The following RREB1 variants were observed in gnomAD, a reference collection of about 807,000 sequenced individuals.
The protein encoded by RREB1 is ras responsive element binding protein 1.
A neutral mutation model predicts 117.8 loss-of-function variants in RREB1; 27 were observed. That is an observed-to-expected ratio of 0.23 (90% confidence interval 0.17 to 0.32). RREB1 has a LOEUF of 0.32. Among genes scored for constraint, RREB1 ranks in the 10% least tolerant of loss-of-function variants. RREB1 has a pLI of 1.00. For synonymous variants in RREB1, 1,298 were observed against 1,026.7 expected (o/e 1.26, Z -5.05); for missense variants, 2,577 against 2,378.2 (o/e 1.08, Z -1.74).
intron 11 of RREB1, among the ~76,000 whole-genome samples, chr6:7,242,687 C>G (rs945885736): frequency 8.2e-6 from 1 of 121,404 alleles, no homozygotes; most frequent in African/African-American, 3.4e-5. Context: ...TGAAGGAAGA[C>G]CACTTAAAAA....
At chr6:7,202,118 A>G (rs558202487) in intron 6 of RREB1, among the ~76,000 whole-genome samples, 2 of 152,200 alleles carry the variant, frequency 1.3e-5, no homozygotes, top group Admixed American at 6.5e-5. Flanking sequence ...GCCCGTAAGT[A>G]ATATAACACA....
At chr6:7,228,435 T>G (rs779756551) in intron 9 of RREB1, among the ~76,000 whole-genome samples, 2 of 151,690 alleles carry the variant, frequency 1.3e-5, no homozygotes, top group Non-Finnish European at 2.9e-5. Context: ...ACATGATTCT[T>G]AAGATGCTTT....
intron 1 of RREB1, among the ~76,000 whole-genome samples, chr6:7,108,364 C>T (rs929827049): frequency 1.3e-4 from 20 of 151,220 alleles, no homozygotes; most frequent in Non-Finnish European, 5.9e-5. Flanking sequence ...TTTTCCCTTT[C>T]CCGAGCCGCC....
intron 1 of RREB1, among the ~76,000 whole-genome samples, chr6:7,123,032 G>A (rs1761744361): frequency 6.6e-6 from 1 of 152,298 alleles, no homozygotes; most frequent in African/African-American, 2.4e-5. Context: ...TTGCCTCACC[G>A]TGGTGTTGCC....
chr6:7,234,802 A>G (rs1581582488), intron 10 of RREB1, among the ~76,000 whole-genome samples: 1 of 152,198 alleles, frequency 6.6e-6, no homozygotes, highest in Non-Finnish European at 1.5e-5. Context: ...ACTTGCCTAC[A>G]GCCATATGGG....
intron 8 of RREB1, chr6:7,213,341 T>G (rs1561784268): frequency 1.3e-5 from 2 of 152,212 alleles, no homozygotes. Context: ...ATTTTTTGTG[T>G]TTTTGGTAGA....
chr6:7,143,177 G>A (rs1422312111), intron 1 of RREB1, among the ~76,000 whole-genome samples: 1 of 152,202 alleles, frequency 6.6e-6, no homozygotes, highest in African/African-American at 2.4e-5. Flanking sequence ...GCAAACCCGA[G>A]TGTTTTCTAT....
chr6:7,157,287 A>T (rs1270145152), intron 1 of RREB1, among the ~76,000 whole-genome samples: 3 of 152,080 alleles, frequency 2.0e-5, no homozygotes, highest in Admixed American at 2.0e-4. Flanking sequence ...ACAAAAACTT[A>T]GCCAGGTGTG....
chr6:7,108,319 C>CTCCTCCTCT (rs1760933874), intron 1 of RREB1, among the ~76,000 whole-genome samples: 1 of 150,878 alleles, frequency 6.6e-6, no homozygotes, highest in Non-Finnish European at 1.5e-5. Flanking sequence ...CGGGCCATTC[C>CTCCTCCTCT]TCCTCCTCCT....
chr6:7,217,965 G>A (rs1235304146), intron 8 of RREB1: 4 of 152,164 alleles, frequency 2.6e-5, no homozygotes. Context: ...CTTTTGTAAA[G>A]ATTGGGAAAT....
intron 1 of RREB1, among the ~76,000 whole-genome samples, chr6:7,175,619 T>C (rs1042158222): frequency 6.6e-6 from 1 of 152,244 alleles, no homozygotes; most frequent in Non-Finnish European, 1.5e-5. Flanking sequence ...CTCTTCACGT[T>C]AGCTGAGGGA....
At chr6:7,232,630 C>T (rs555757138) in intron 10 of RREB1, among the ~76,000 whole-genome samples, 8 of 152,240 alleles carry the variant, frequency 5.3e-5, no homozygotes, top group African/African-American at 1.7e-4. Flanking sequence ...CTTCCTTAGC[C>T]CCCTACGACT....
Position 7,210,983 on chromosome 6 carries a change from A to G in RREB1, c.570+35A>G, listed in dbSNP as rs754920462. Reference sequence around the variant, plus strand: ...GCTCCCAGTGCAGATTCACCTGCTCAGGGGACTTCTGTCAGAAATACCACT... The same window carrying G: ...GCTCCCAGTGCAGATTCACCTGCTCGGGGGACTTCTGTCAGAAATACCACT... On this transcript the variant is annotated intron_variant, in intron 7 of 12. Coordinates refer to ENST00000379938, the MANE Select transcript of RREB1 (RefSeq NM_001003699.4). 3.1e-6 allele frequency: 5 copies of G among 1,591,798 alleles called. No individual in the cohort carries two copies. In the African/African-American group the frequency reaches 4.1e-5, roughly 13 times the overall value.
At chr6:7,226,215 AG>A (rs1767577376) in intron 8 of RREB1, among the ~76,000 whole-genome samples, 1 of 152,218 alleles carries the variant, frequency 6.6e-6, no homozygotes, top group Non-Finnish European at 1.5e-5. Flanking sequence ...GTGGGTGTTT[AG>A]GTCGTACGTA....
At chr6:7,172,164 T>C (rs1264909023) in intron 1 of RREB1, among the ~76,000 whole-genome samples, 1 of 152,114 alleles carries the variant, frequency 6.6e-6, no homozygotes, top group African/African-American at 2.4e-5. Flanking sequence ...CAGGCTGGTC[T>C]CAAACTCCTG....
intron 1 of RREB1, among the ~76,000 whole-genome samples, chr6:7,134,654 C>T (rs983219358): frequency 1.3e-5 from 2 of 152,124 alleles, no homozygotes; most frequent in African/African-American, 4.8e-5. Flanking sequence ...TTTTCATATA[C>T]TTGCAAAATA....
intron 1 of RREB1, among the ~76,000 whole-genome samples, chr6:7,138,692 G>A (rs556219181): frequency 1.3e-5 from 2 of 152,254 alleles, no homozygotes; most frequent in Admixed American, 1.3e-4. Flanking sequence ...GTGGGTTAAG[G>A]CACCCACCAG....
chr6:7,165,585 T>C (rs1461940846), intron 1 of RREB1, among the ~76,000 whole-genome samples: 1 of 152,240 alleles, frequency 6.6e-6, no homozygotes, highest in Non-Finnish European at 1.5e-5. Flanking sequence ...TTACATTAAA[T>C]AGGCATCAGC....
rs1322421133 is a variant in RREB1 at position 7,229,594 on chromosome 6, G to A, written c.1495G>A (p.Ala499Thr). 3 of 1,612,028 alleles carry A rather than the reference G, an allele frequency of 1.9e-6. No individual in the cohort carries two copies. The highest frequency in any genetic ancestry group is 3.3e-5 in the Admixed American group (2 of 59,894). Residue 499 changes from alanine to threonine, a missense_variant, in exon 10 of 13, where the codon GCG becomes ACG. Coordinates refer to ENST00000379938, the MANE Select transcript of RREB1 (RefSeq NM_001003699.4). The surrounding 1 kb of genome is among the most constrained non-coding windows in gnomAD (Gnocchi z 4.5). ...FSKAPAAPLQ[A>T]IFKHMPPLKP... is the part of the protein sequence containing the mutation. ...CAAGGCCCCTGCCGCCCCACTGCAG[G>A]CGATCTTCAAGCACATGCCCCCTCT...
Sources: gnomAD v4.1 joint callset for allele counts (sites outside exome capture counted in the v4.1 genomes callset) on GRCh38, gnomAD v4.1.1 for gene constraint, Gnocchi (gnomAD v3.1) non-coding constraint, MANE v1.5 for transcripts, NCBI Gene and HGNC (gene_info 2026-07-23, HGNC 2026-07-21) for gene names.